The following DMBT1 variants were observed in gnomAD, a reference collection of about 807,000 sequenced individuals.
DMBT1 encodes the protein scavenger receptor cysteine-rich domain-containing protein DMBT1.
Under a neutral mutation model 252.9 loss-of-function variants are expected in DMBT1, and 198 were observed. The observed-to-expected ratio is 0.78, with a 90% CI of 0.70 to 0.88. The LOEUF is 0.88. Among genes scored for constraint, DMBT1 ranks in the 40% least tolerant of loss-of-function variants. The pLI, the probability that DMBT1 is intolerant of heterozygous loss-of-function variation, is 0.00. For synonymous variants in DMBT1, 990 were observed against 942.7 expected (o/e 1.05, Z -0.92); for missense variants, 2,432 against 2,404.7 (o/e 1.01, Z -0.24).
Position 122,600,046 on chromosome 10 carries a change from C to T in DMBT1, c.3281-18C>T, listed in dbSNP as rs759901353. On this transcript the variant is annotated intron_variant, in intron 26 of 55. Transcript: ENST00000338354. ...TGTGTAATGTTCCTGATCTGACCTT[C>T]TCTTCTCTTTCTCACAGCTTCCCAG... 6.2e-7 allele frequency: 1 copy of T among 1,607,860 alleles called. No individual in the cohort carries two copies. Among genetic ancestry groups the T allele is most frequent in the African/African-American group, 1.4e-5 (1 of 73,462 alleles).
rs1183766791 is a variant in DMBT1, at chr10:122,600,233, C to T, written c.3310+140C>T. On this transcript the variant is annotated intron_variant, in intron 27 of 55. Coordinates refer to ENST00000338354, the MANE Select transcript of DMBT1 (RefSeq NM_001377530.1). ...TCTACCCCCAACACCAGTTGTGTAACTGAGACCCCAGCACAGCGCTTTTTA... is the reference window on the plus strand; with the variant it reads ...TCTACCCCCAACACCAGTTGTGTAATTGAGACCCCAGCACAGCGCTTTTTA... 3.9e-6 allele frequency: 5 copies of T among 1,295,104 alleles called. No homozygotes were observed. The Admixed American group carries it at 7.1e-5, about 18-fold the overall frequency. 80.2% of individuals were successfully genotyped at this position (1,295,104 alleles called of 1,614,324 possible).
chr10:122,620,261 C>T lies in DMBT1; in HGVS notation c.5254C>T (p.Leu1752=). 6.2e-7 allele frequency: 1 copy of T among 1,613,986 alleles called. No homozygotes were observed. The highest frequency in any genetic ancestry group is 8.5e-7 in the Non-Finnish European group (1 of 1,179,888). ...SQSTPRPDTW[L]TTNLPALTVG... ...TTTGTTGCAATTTACAGATACTTGG[C>T]TGACCACCAACTTACCGGCATTGAC... Residue 1752 remains leucine, a synonymous_variant, in exon 43 of 56, where the codon CTG becomes TTG. Transcript: ENST00000338354.
At chr10:122,620,393 T>C in intron 43 of DMBT1, 102 bp downstream of exon 43, 1 of 1,432,534 alleles carries the variant, frequency 7.0e-7, no homozygotes, top group East Asian at 2.3e-5. Flanking sequence ...GCCTCTGTTT[T>C]TCATGTTTCC....
At chr10:122,627,162 C>T (rs530516882) in intron 46 of DMBT1, among the ~76,000 whole-genome samples, 7 of 152,308 alleles carry the variant, frequency 4.6e-5, no homozygotes, top group African/African-American at 1.7e-4. Context: ...TGCCAAACTG[C>T]ATTTCCTGAA....
At chr10:122,619,740 C>G (rs1391642968) in intron 42 of DMBT1, among the ~76,000 whole-genome samples, 1 of 152,212 alleles carries the variant, frequency 6.6e-6, no homozygotes, top group Non-Finnish European at 1.5e-5. Flanking sequence ...CATGGGCAAG[C>G]AATGTCAGTG....
At chr10:122,600,199 C>A (rs2097932608) in intron 27 of DMBT1, 106 bp downstream of exon 27, 1 of 1,437,724 alleles carries the variant, frequency 7.0e-7, no homozygotes, top group Non-Finnish European at 9.4e-7. Flanking sequence ...TACTGTGGGG[C>A]ATATTATTTC....
chr10:122,626,106 C>T (rs897663500), intron 46 of DMBT1, 141 bp downstream of exon 46: 8 of 705,140 alleles, frequency 1.1e-5, no homozygotes, highest in Admixed American at 8.9e-5. Context: ...ATACCCTTCA[C>T]CTCTTCATTT....
intron 24 of DMBT1, among the ~76,000 whole-genome samples, chr10:122,597,549 C>T (rs931646443): frequency 3.3e-5 from 5 of 152,210 alleles, no homozygotes; most frequent in Admixed American, 1.3e-4. Context: ...GAGGCATAGG[C>T]CATGCTCGGG....
chr10:122,576,843 G>T lies in DMBT1; in HGVS notation c.607+121G>T. On this transcript the variant is annotated intron_variant, in intron 7 of 55. Coordinates refer to ENST00000338354, the MANE Select transcript of DMBT1 (RefSeq NM_001377530.1). ...GGCGTTCAAGACCAGCTCTAGGCAA[G>T]ATGGCAAACCCCATCTCTATTAAAA... 3.3e-6 allele frequency: 4 copies of T among 1,213,850 alleles called. 1 individual carries two copies. The South Asian group carries it at 4.3e-5, about 13-fold the overall frequency. 75.2% of individuals were successfully genotyped at this position (1,213,850 alleles called of 1,614,324 possible). A position where few individuals can be genotyped will look rare whatever the true frequency, so the allele number is the denominator to read the frequency against.
chr10:122,598,707 T>G, intron 25 of DMBT1, 67 bp from the exon 26 acceptor site: 1 of 1,610,102 alleles, frequency 6.2e-7, no homozygotes, highest in Non-Finnish European at 8.5e-7. Flanking sequence ...GCCTTGAGTG[T>G]GGAACATTCC....
intron 49 of DMBT1, 131 bp from the exon 50 acceptor site, chr10:122,631,724 C>A: frequency 1.1e-6 from 1 of 882,010 alleles, no homozygotes; most frequent in South Asian, 1.5e-5. Context: ...ATAGCAATTG[C>A]TGGGTGGACC....
rs776105841 is a variant in DMBT1 at position 122,587,717 on chromosome 10, G to A, written c.1784-1227G>A. Among the ~76,000 whole-genome samples, 6 of 148,632 alleles carry A rather than the reference G, an allele frequency of 4.0e-5. 1 individual carries two copies. Among genetic ancestry groups the A allele is most frequent in the Non-Finnish European group, 9.0e-5 (6 of 66,780 alleles). ...GGCAGAGGCCGTGCTCAGGCAAGGA[G>A]AGAGATATTAGATATTTCTGGTACC... On this transcript the variant is annotated intron_variant, in intron 16 of 55. Coordinates refer to ENST00000338354, the MANE Select transcript of DMBT1 (RefSeq NM_001377530.1).
intron 55 of DMBT1, among the ~76,000 whole-genome samples, chr10:122,642,660 G>A (rs1844772395): frequency 6.6e-6 from 1 of 152,256 alleles, no homozygotes; most frequent in Admixed American, 6.5e-5. Flanking sequence ...GAGGGTCAGG[G>A]CACTGTACTC....
At chr10:122,632,255 C>G (rs376619497) in intron 50 of DMBT1, among the ~76,000 whole-genome samples, 1 of 151,864 alleles carries the variant, frequency 6.6e-6, no homozygotes, top group African/African-American at 2.4e-5. Flanking sequence ...TCTCCAACAC[C>G]CCCCACTGCC....
At position 122,580,905 on chromosome 10, in the gene DMBT1, C is replaced by T. The variant is rs749462692; in HGVS notation, c.1033+10C>T. On this transcript the variant is annotated intron_variant, in intron 11 of 55. Coordinates refer to ENST00000338354, the MANE Select transcript of DMBT1 (RefSeq NM_001377530.1). ...CCGACACCCAGCCCAGGTAGGTCCC[C>T]AGTGTCCTTCCTCAAAATGTCCCTT... 50 of 1,613,676 alleles carry T rather than the reference C, an allele frequency of 3.1e-5. 1 individual carries two copies. The South Asian group carries it at 4.6e-4, about 15-fold the overall frequency.
intron 2 of DMBT1, among the ~76,000 whole-genome samples, chr10:122,568,372 C>G (rs376051596): frequency 1.4e-4 from 21 of 152,062 alleles, no homozygotes; most frequent in African/African-American, 4.8e-4. Flanking sequence ...TGGGGGTCTT[C>G]TGGAAAGTTC....
intron 46 of DMBT1, among the ~76,000 whole-genome samples, chr10:122,626,325 C>A (rs1201825252): frequency 6.6e-6 from 1 of 152,088 alleles, no homozygotes; most frequent in African/African-American, 2.4e-5. Context: ...GGATACTTTT[C>A]TGTGTTATTA....
chr10:122,597,301 CTTAGAGGT>C (rs2097891270), intron 24 of DMBT1, among the ~76,000 whole-genome samples: 3 of 152,184 alleles, frequency 2.0e-5, no homozygotes, highest in Admixed American at 2.0e-4. Flanking sequence ...ATGGCCAACC[CTTAGAGGT>C]TTAGGAAGTG....
At chr10:122,635,218 G>T (rs925011928) in intron 52 of DMBT1, among the ~76,000 whole-genome samples, 1 of 152,180 alleles carries the variant, frequency 6.6e-6, no homozygotes, top group Non-Finnish European at 1.5e-5. Flanking sequence ...GCATGGATCA[G>T]ATTACTTTGC....
Sources: gnomAD v4.1 joint callset for allele counts (sites outside exome capture counted in the v4.1 genomes callset) on GRCh38, gnomAD v4.1.1 for gene constraint, MANE v1.5 for transcripts, NCBI Gene and HGNC (gene_info 2026-07-23, HGNC 2026-07-21) for gene names.